Variants in MLLT3 observed in about 807,000 individuals in gnomAD.
MLLT3 encodes protein AF-9.
Under a neutral mutation model 53.2 loss-of-function variants are expected in MLLT3, and 4 were observed. The ratio of observed to expected loss-of-function variants is 0.08; its 90% CI spans 0.04 to 0.17. MLLT3 has a LOEUF of 0.17. Ranked by LOEUF, MLLT3 falls within the 10% of genes least tolerant of loss-of-function variation. The probability of loss-of-function intolerance (pLI) is 1.00; values close to 1 mark genes in which losing one functional copy is unlikely to be tolerated. For missense variants in MLLT3, 569 were observed against 684.0 expected (o/e 0.83, Z 1.87); for synonymous variants, 283 against 230.6 (o/e 1.23, Z -2.06).
chr9:20,473,019 G>C (rs1012217361), intron 2 of MLLT3, among the ~76,000 whole-genome samples: 1 of 151,946 alleles, frequency 6.6e-6, no homozygotes, highest in African/African-American at 2.4e-5. Context: ...AGACTTTTTA[G>C]AAATACCAGT....
chr9:20,502,092 A>AGG (rs1563789832), intron 2 of MLLT3, among the ~76,000 whole-genome samples: 6 of 114,516 alleles, frequency 5.2e-5, no homozygotes, highest in African/African-American at 1.4e-4. Context: ...AAAAAAAAAA[A>AGG]AGGGGGGGGG....
chr9:20,622,208 G>C (rs1334163993), intron 1 of MLLT3, 37 bp downstream of exon 1: 1 of 1,588,122 alleles, frequency 6.3e-7, no homozygotes, highest in African/African-American at 1.4e-5. Context: ...AAGGAAAGTG[G>C]GGGAGGGCTT....
At chr9:20,369,635 CCCAA>C (rs1821544448) in intron 5 of MLLT3, among the ~76,000 whole-genome samples, 1 of 152,112 alleles carries the variant, frequency 6.6e-6, no homozygotes, top group Non-Finnish European at 1.5e-5. Context: ...TTTCATCAAG[CCCAA>C]CCAACAGAAT....
At chr9:20,497,267 C>A (rs1825101222) in intron 2 of MLLT3, among the ~76,000 whole-genome samples, 1 of 152,166 alleles carries the variant, frequency 6.6e-6, no homozygotes, top group Non-Finnish European at 1.5e-5. Flanking sequence ...TTTCAATGTT[C>A]TTTTTGCTCT....
At chr9:20,414,776 C>A (rs1400988144) in intron 4 of MLLT3, among the ~76,000 whole-genome samples, 1 of 152,130 alleles carries the variant, frequency 6.6e-6, no homozygotes, top group African/African-American at 2.4e-5. Flanking sequence ...TATGACGTAT[C>A]TATGATTGAT....
At chr9:20,401,540 T>G (rs1304144674) in intron 5 of MLLT3, among the ~76,000 whole-genome samples, 1 of 152,190 alleles carries the variant, frequency 6.6e-6, no homozygotes, top group East Asian at 1.9e-4. Flanking sequence ...TTCCTGTCTT[T>G]GTGTTCCTCC....
chr9:20,507,357 A>G (rs577614078), intron 2 of MLLT3, among the ~76,000 whole-genome samples: 1 of 152,314 alleles, frequency 6.6e-6, no homozygotes, highest in African/African-American at 2.4e-5. Context: ...AGCTAAGGAA[A>G]TATTTCTGAA....
At chr9:20,615,511 A>G (rs558183423) in intron 2 of MLLT3, among the ~76,000 whole-genome samples, 1 of 152,084 alleles carries the variant, frequency 6.6e-6, no homozygotes, top group South Asian at 2.1e-4. Context: ...TGAGGCAAAT[A>G]CCTTGGAAGA....
At chr9:20,600,960 G>A (rs1457233772) in intron 2 of MLLT3, among the ~76,000 whole-genome samples, 1 of 152,058 alleles carries the variant, frequency 6.6e-6, no homozygotes, top group East Asian at 1.9e-4. Context: ...TTGTGACAAA[G>A]CCCCAGGGGT....
chr9:20,482,040 A>G (rs981877631), intron 2 of MLLT3, among the ~76,000 whole-genome samples: 1 of 152,222 alleles, frequency 6.6e-6, no homozygotes, highest in African/African-American at 2.4e-5. Flanking sequence ...TATAGAGACA[A>G]GGCACTTGTT....
intron 2 of MLLT3, among the ~76,000 whole-genome samples, chr9:20,521,096 G>C (rs981753516): frequency 6.6e-6 from 1 of 150,604 alleles, no homozygotes; most frequent in African/African-American, 2.4e-5. Context: ...TTAAAGGAGA[G>C]AGTCTTGCTC....
chr9:20,360,498 G>A (rs893350868), intron 8 of MLLT3, among the ~76,000 whole-genome samples: 15 of 152,174 alleles, frequency 9.9e-5, no homozygotes, highest in African/African-American at 3.6e-4. Context: ...AATACTTTTT[G>A]TCACCCTCTC....
At chr9:20,441,681 A>T (rs1418510966) in intron 4 of MLLT3, among the ~76,000 whole-genome samples, 1 of 152,144 alleles carries the variant, frequency 6.6e-6, no homozygotes, top group Non-Finnish European at 1.5e-5. Context: ...TGAAGTGACA[A>T]TTACAGAATT....
At position 20,620,648 on chromosome 9, in the gene MLLT3, C is replaced by T; in HGVS notation, c.193+6G>A. ...TTATCAAGACCCTTTTGTATTCGAG[C>T]CCTACCTCTTTTTGGCCTAGGAAAG... On this transcript the variant is annotated splice_donor_region_variant and intron_variant, in intron 2 of 10. Transcript: ENST00000380338. The surrounding 1 kb of genome is among the most constrained non-coding windows in gnomAD (Gnocchi z 6.1). The T allele has an allele frequency of 1.2e-6, 2 of 1,612,656 alleles. No individual in the cohort carries two copies. The highest frequency in any genetic ancestry group is 1.7e-6 in the Non-Finnish European group (2 of 1,179,142).
intron 2 of MLLT3, chr9:20,532,527 T>C (rs1449935700): frequency 4.8e-6 from 1 of 209,236 alleles, no homozygotes; most frequent in East Asian, 1.1e-4. Flanking sequence ...AAATGTCATC[T>C]TGCTCTCTCC....
chr9:20,548,286 A>G (rs1408113021), intron 2 of MLLT3, among the ~76,000 whole-genome samples: 3 of 151,958 alleles, frequency 2.0e-5, no homozygotes, highest in African/African-American at 7.2e-5. Flanking sequence ...CATCTATCTC[A>G]TCAGTTGGCT....
intron 8 of MLLT3, 116 bp downstream of exon 8, chr9:20,360,626 A>G (rs1008292909): frequency 1.4e-5 from 11 of 796,706 alleles, no homozygotes; most frequent in Admixed American, 4.0e-5. Flanking sequence ...CCTCCCATCT[A>G]TTTGGCATCA....
At chr9:20,464,659 GA>G (rs1218770160) in intron 2 of MLLT3, among the ~76,000 whole-genome samples, 1 of 151,554 alleles carries the variant, frequency 6.6e-6, no homozygotes, top group Non-Finnish European at 1.5e-5. Context: ...CTGAAAGAAA[GA>G]AAAAAAGCGG....
chr9:20,566,736 G>A (rs910300632), intron 2 of MLLT3, among the ~76,000 whole-genome samples: 2 of 152,030 alleles, frequency 1.3e-5, no homozygotes, highest in Non-Finnish European at 2.9e-5. Context: ...GAAACAAGGA[G>A]AAACACATGT....
Sources: gnomAD v4.1 joint callset for allele counts (sites outside exome capture counted in the v4.1 genomes callset) on GRCh38, gnomAD v4.1.1 for gene constraint, Gnocchi (gnomAD v3.1) non-coding constraint, MANE v1.5 for transcripts, NCBI Gene and HGNC (gene_info 2026-07-23, HGNC 2026-07-21) for gene names.